Variants in NOPCHAP1 observed in about 807,000 individuals in gnomAD.
The protein encoded by NOPCHAP1 is NOP protein chaperone 1.
NOPCHAP1 carries 13 observed loss-of-function variants against 14.0 expected under a neutral mutation model. That is an observed-to-expected ratio of 0.93 (90% CI 0.60 to 1.47). NOPCHAP1 has a LOEUF of 1.47. Ranked by LOEUF, NOPCHAP1 falls within the 40% of genes most tolerant of loss-of-function variation. The probability of loss-of-function intolerance (pLI) is 0.00; values close to 1 mark genes in which losing one functional copy is unlikely to be tolerated. For synonymous variants in NOPCHAP1, 78 were observed against 78.4 expected (o/e 1.00, Z 0.03); for missense variants, 230 against 226.9 (o/e 1.01, Z -0.09).
rs1873681899 is a variant in NOPCHAP1 at position 105,005,087 on chromosome 12, G to A, written c.*10391G>A. 1 of 152,082 alleles carries A rather than the reference G, an allele frequency of 6.6e-6. No homozygotes were observed. The highest frequency in any genetic ancestry group is 6.6e-5 in the Admixed American group (1 of 15,266). 9.4% of individuals were successfully genotyped at this position (152,082 alleles called of 1,614,324 possible). A position where few individuals can be genotyped will look rare whatever the true frequency, so the allele number is the denominator to read the frequency against. On this transcript the variant is annotated 3_prime_UTR_variant, in exon 4 of 4. Coordinates refer to ENST00000552951, the MANE Select transcript of NOPCHAP1 (RefSeq NM_152318.3). ...CAGAGGGGTTGGCACAGGTGGAAGAGGTATAGAAGAAGAAGGCATACTCAT... is the reference window on the plus strand; with the variant it reads ...CAGAGGGGTTGGCACAGGTGGAAGAAGTATAGAAGAAGAAGGCATACTCAT...
chr12:104,991,574 G>T, intron 2 of NOPCHAP1, 138 bp from the exon 3 acceptor site: 2 of 842,400 alleles, frequency 2.4e-6, no homozygotes, highest in Non-Finnish European at 3.5e-6. Flanking sequence ...AGGATGGAGG[G>T]TTTTTAAATG....
At position 105,006,016 on chromosome 12, in the gene NOPCHAP1, G is replaced by A. The variant is rs11112298; in HGVS notation, c.*11320G>A. On this transcript the variant is annotated 3_prime_UTR_variant, in exon 4 of 4. Transcript: ENST00000552951. ...GCTGTCTTCTGTTAATTCCTCTGGT[G>A]TGATGTCTGTTAGCTTTTGAATTTC... 12,105 of 152,298 alleles carry A rather than the reference G, an allele frequency of 0.079. 549 individuals are homozygous for A. The highest frequency in any genetic ancestry group is 0.17 in the East Asian group (868 of 5,170). 9.4% of individuals were successfully genotyped at this position (152,298 alleles called of 1,614,324 possible). A position where few individuals can be genotyped will look rare whatever the true frequency, so the allele number is the denominator to read the frequency against.
intron 1 of NOPCHAP1, among the ~76,000 whole-genome samples, chr12:104,987,935 C>A (rs911178827): frequency 6.6e-6 from 1 of 152,116 alleles, no homozygotes; most frequent in Non-Finnish European, 1.5e-5. Context: ...GCATTTATTA[C>A]CTGCCATTGG....
chr12:104,992,472 G>C (rs996729873), intron 3 of NOPCHAP1, among the ~76,000 whole-genome samples: 2 of 152,176 alleles, frequency 1.3e-5, no homozygotes, highest in Non-Finnish European at 2.9e-5. Flanking sequence ...TGCGTTCACT[G>C]TGCCTTCCCT....
At chr12:104,988,779 A>G (rs755276708) in intron 2 of NOPCHAP1, among the ~76,000 whole-genome samples, 1 of 152,194 alleles carries the variant, frequency 6.6e-6, no homozygotes, top group Non-Finnish European at 1.5e-5. Context: ...AATAAAAACA[A>G]TGTAAATAAG....
At position 104,996,107 on chromosome 12, in the gene NOPCHAP1, G is replaced by A. The variant is rs544620290; in HGVS notation, c.*1411G>A. The stretch of plus-strand genomic sequence containing the variant: ...ATGGGGACTTTTGGGGAAGCTATTT[G>A]GAAGGCAGGATTGAACCATGCCAAA... On this transcript the variant is annotated 3_prime_UTR_variant, in exon 4 of 4. Transcript: ENST00000552951. The A allele has an allele frequency of 6.6e-6, 1 of 152,268 alleles. No homozygotes were observed. Among genetic ancestry groups the A allele is most frequent in the South Asian group, 2.1e-4 (1 of 4,824 alleles). The allele number at this position is 152,268 out of a possible 1,614,324, so 9.4% of individuals were successfully genotyped here.
rs1363711962 is a variant in NOPCHAP1 at position 104,997,552 on chromosome 12, G to GT, written c.*2859dup. The GT allele has an allele frequency of 6.6e-6, 1 of 152,198 alleles. No homozygotes were observed. The highest frequency in any genetic ancestry group is 1.5e-5 in the Non-Finnish European group (1 of 68,034). The allele number at this position is 152,198 out of a possible 1,614,324, so 9.4% of individuals were successfully genotyped here. A position where few individuals can be genotyped will look rare whatever the true frequency, so the allele number is the denominator to read the frequency against. On this transcript the variant is annotated 3_prime_UTR_variant, in exon 4 of 4. Transcript: ENST00000552951. ...CCCCCGATCTCTTCTGGCTTGTAGAGTTTCTGCTGACAGTTCTGCTGTTAG... is the reference window on the plus strand; with the variant it reads ...CCCCCGATCTCTTCTGGCTTGTAGAGTTTTCTGCTGACAGTTCTGCTGTTAG...
At chr12:104,988,128 T>A in intron 1 of NOPCHAP1, 39 bp from the exon 2 acceptor site, 1 of 1,470,628 alleles carries the variant, frequency 6.8e-7, no homozygotes, top group Non-Finnish European at 9.5e-7. Flanking sequence ...TTTTTTATGC[T>A]GTAGTAAATT....
chr12:104,991,103 A>G (rs1873364723), intron 2 of NOPCHAP1, among the ~76,000 whole-genome samples: 1 of 152,218 alleles, frequency 6.6e-6, no homozygotes, highest in Non-Finnish European at 1.5e-5. Flanking sequence ...AGTTCCAACA[A>G]AAGGTCCTGA....
Position 105,010,380 on chromosome 12 carries a change from A to G in NOPCHAP1, c.*15684A>G, listed in dbSNP as rs1055090999. 6.6e-6 allele frequency: 1 copy of G among 151,602 alleles called. No homozygotes were observed. Among genetic ancestry groups the G allele is most frequent in the African/African-American group, 2.4e-5 (1 of 41,230 alleles). 9.4% of individuals were successfully genotyped at this position (151,602 alleles called of 1,614,324 possible). A position where few individuals can be genotyped will look rare whatever the true frequency, so the allele number is the denominator to read the frequency against. On this transcript the variant is annotated 3_prime_UTR_variant, in exon 4 of 4. Transcript: ENST00000552951. ...TTCTTCTCTCTTTTCTTCTTTATTA[A>G]TTGGGCTTGTGGTCTATCTATTTTG...
rs1451581918 is a variant in NOPCHAP1 at position 105,004,943 on chromosome 12, A to ATT, written c.*10248_*10249insTT. The ATT allele has an allele frequency of 7.9e-5, 12 of 152,224 alleles. No homozygotes were observed. The highest frequency in any genetic ancestry group is 1.8e-4 in the Non-Finnish European group (12 of 68,042). The allele number at this position is 152,224 out of a possible 1,614,324, so 9.4% of individuals were successfully genotyped here. Reference sequence around the variant, plus strand: ...AATAAAGTAAGCTACGGAAAAGAAAATATCACTAAGGAAATCAGGAAGAGA... The same window carrying ATT: ...AATAAAGTAAGCTACGGAAAAGAAAATTTATCACTAAGGAAATCAGGAAGAGA... On this transcript the variant is annotated 3_prime_UTR_variant, in exon 4 of 4. Coordinates refer to ENST00000552951, the MANE Select transcript of NOPCHAP1 (RefSeq NM_152318.3).
rs1379434587 is a variant in NOPCHAP1, at chr12:105,009,828, T to C, written c.*15132T>C. 2 of 152,234 alleles carry C rather than the reference T, an allele frequency of 1.3e-5. No individual in the cohort carries two copies. Among genetic ancestry groups the C allele is most frequent in the Non-Finnish European group, 2.9e-5 (2 of 68,048 alleles). 9.4% of individuals were successfully genotyped at this position (152,234 alleles called of 1,614,324 possible). A position where few individuals can be genotyped will look rare whatever the true frequency, so the allele number is the denominator to read the frequency against. On this transcript the variant is annotated 3_prime_UTR_variant, in exon 4 of 4. Transcript: ENST00000552951. The stretch of plus-strand genomic sequence containing the variant: ...AGGGATGAAGCTGACTTGATTGTGG[T>C]GGATAAGCTTTTTGATGTGCTGCTG...
At chr12:104,989,039 G>A (rs1198277207) in intron 2 of NOPCHAP1, among the ~76,000 whole-genome samples, 3 of 150,598 alleles carry the variant, frequency 2.0e-5, no homozygotes, top group Non-Finnish European at 3.0e-5. Context: ...AGAAGAAATT[G>A]CTATTTTGCA....
chr12:104,991,910 G>C, intron 3 of NOPCHAP1, 62 bp downstream of exon 3: 1 of 1,513,338 alleles, frequency 6.6e-7, no homozygotes, highest in South Asian at 1.3e-5. Context: ...AAGAAGAAGA[G>C]AACTTTTCCA....
In NOPCHAP1 at chr12:104,988,253, T is replaced by TGTAA. The variant is rs1479997270; in HGVS notation, c.202+4_202+7dup. On this transcript the variant is annotated frameshift_variant and splice_region_variant. Transcript: ENST00000552951. LOFTEE classifies it high-confidence loss of function. ...AACAGTTCGGATAGAGAGGAGTCCC[T>TGTAA]GTAAGTACCTCTTCCCCTCTCTCAC... 1 of 1,602,700 alleles carries TGTAA rather than the reference T, an allele frequency of 6.2e-7. No homozygotes were observed. Among genetic ancestry groups the TGTAA allele is most frequent in the South Asian group, 1.1e-5 (1 of 90,180 alleles).
In NOPCHAP1 at chr12:104,995,648, G is replaced by A. The variant is rs1873484331; in HGVS notation, c.*952G>A. On this transcript the variant is annotated 3_prime_UTR_variant, in exon 4 of 4. Coordinates refer to ENST00000552951, the MANE Select transcript of NOPCHAP1 (RefSeq NM_152318.3). Reference sequence around the variant, plus strand: ...CACTACAAAGAGTGAGTCCCCAGGAGCCCCACTGTAATCTTTCCTCAGTGG... The same window carrying A: ...CACTACAAAGAGTGAGTCCCCAGGAACCCCACTGTAATCTTTCCTCAGTGG... The A allele has an allele frequency of 6.6e-6, 1 of 151,314 alleles. No homozygotes were observed. Among genetic ancestry groups the A allele is most frequent in the Admixed American group, 6.6e-5 (1 of 15,178 alleles). The allele number at this position is 151,314 out of a possible 1,614,324, so 9.4% of individuals were successfully genotyped here. A position where few individuals can be genotyped will look rare whatever the true frequency, so the allele number is the denominator to read the frequency against.
intron 3 of NOPCHAP1, among the ~76,000 whole-genome samples, chr12:104,993,424 C>G (rs1003924094): frequency 6.6e-6 from 1 of 152,094 alleles, no homozygotes; most frequent in African/African-American, 2.4e-5. Context: ...TGCTCAGTGT[C>G]CTCAGTGGTC....
intron 2 of NOPCHAP1, among the ~76,000 whole-genome samples, chr12:104,991,460 AATGCCAGCCTTCTAGGAGTTTAC>A (rs1249823176): frequency 1.3e-5 from 2 of 152,208 alleles, no homozygotes; most frequent in Non-Finnish European, 2.9e-5. Context: ...CTATTTGTTG[AATGCCAGCCTTCTAGGAGTTTAC>A]AGTCCTGGGG....
rs149668861 is a variant in NOPCHAP1 at position 105,007,271 on chromosome 12, G to A, written c.*12575G>A. ...CAAAAAGATTTTTGTGCCCGCTAGC[G>A]TAGCTGCAGCAATGGCTTCACAAAT... On this transcript the variant is annotated 3_prime_UTR_variant, in exon 4 of 4. Coordinates refer to ENST00000552951, the MANE Select transcript of NOPCHAP1 (RefSeq NM_152318.3). 9.9e-5 allele frequency: 15 copies of A among 152,208 alleles called. No homozygotes were observed. The highest frequency in any genetic ancestry group is 6.2e-4 in the South Asian group (3 of 4,828). 9.4% of individuals were successfully genotyped at this position (152,208 alleles called of 1,614,324 possible). A position where few individuals can be genotyped will look rare whatever the true frequency, so the allele number is the denominator to read the frequency against.
Sources: gnomAD v4.1 joint callset for allele counts (sites outside exome capture counted in the v4.1 genomes callset) on GRCh38, gnomAD v4.1.1 for gene constraint, MANE v1.5 for transcripts, NCBI Gene and HGNC (gene_info 2026-07-23, HGNC 2026-07-21) for gene names.